Variants in UBE2V2 observed in about 807,000 individuals in gnomAD.
UBE2V2 encodes the protein ubiquitin conjugating enzyme E2 V2.
UBE2V2 carries 9 observed loss-of-function variants against 17.2 expected under a neutral mutation model. The ratio of observed to expected loss-of-function variants is 0.52; its 90% CI spans 0.32 to 0.91. The LOEUF (loss-of-function observed/expected upper bound fraction) is 0.91. Ranked by LOEUF, UBE2V2 falls within the 40% of genes least tolerant of loss-of-function variation. The pLI is 0.04. For missense variants in UBE2V2, 133 were observed against 182.6 expected (o/e 0.73, Z 1.56); for synonymous variants, 61 against 57.5 (o/e 1.06, Z -0.28).
At chr8:48,012,285 T>C (rs994716040) in intron 1 of UBE2V2, among the ~76,000 whole-genome samples, 5 of 152,320 alleles carry the variant, frequency 3.3e-5, no homozygotes, top group African/African-American at 7.2e-5. Context: ...GAGACAGAGT[T>C]ACCCATGCAA....
In UBE2V2 at chr8:48,055,345, G is replaced by A. The variant is rs1246855767; in HGVS notation, c.292-5337G>A. 2.0e-5 allele frequency among the ~76,000 whole-genome samples: 3 copies of A among 151,650 alleles called. No homozygotes were observed. The South Asian group carries it at 6.3e-4, about 32-fold the overall frequency. ...CTCCCTAGTAGCTGGGATTACAGGC[G>A]CCCGCCAACATGACCAGCTAATTTT... is the stretch of plus-strand genomic sequence containing the variant. On this transcript the variant is annotated intron_variant, in intron 3 of 3. Transcript: ENST00000523111.
At chr8:48,058,553 G>C (rs902698962) in intron 3 of UBE2V2, among the ~76,000 whole-genome samples, 3 of 149,988 alleles carry the variant, frequency 2.0e-5, no homozygotes, top group African/African-American at 7.4e-5. Flanking sequence ...CTCTAGCCTG[G>C]GCAACGAGTG....
chr8:48,040,590 G>A (rs1329046699), intron 1 of UBE2V2, among the ~76,000 whole-genome samples: 1 of 151,974 alleles, frequency 6.6e-6, no homozygotes, highest in Non-Finnish European at 1.5e-5. Flanking sequence ...TAGCTGATGA[G>A]GAAGTCTTAA....
chr8:48,042,729 A>G (rs1360889305), intron 1 of UBE2V2: 2 of 189,194 alleles, frequency 1.1e-5, no homozygotes, highest in Non-Finnish European at 2.2e-5. Context: ...TGGCTGTAAC[A>G]GAAACATCAA....
chr8:48,032,739 C>T (rs2091392509), intron 1 of UBE2V2, among the ~76,000 whole-genome samples: 1 of 152,120 alleles, frequency 6.6e-6, no homozygotes, highest in Non-Finnish European at 1.5e-5. Flanking sequence ...AACAAACACG[C>T]AGACACACAT....
intron 1 of UBE2V2, among the ~76,000 whole-genome samples, chr8:48,027,244 C>G (rs1366332614): frequency 6.6e-6 from 1 of 152,094 alleles, no homozygotes; most frequent in Non-Finnish European, 1.5e-5. Context: ...CAAGTGATCT[C>G]CCTGCCTTGA....
chr8:48,014,392 C>T (rs991161486), intron 1 of UBE2V2, among the ~76,000 whole-genome samples: 1 of 152,088 alleles, frequency 6.6e-6, no homozygotes, highest in Non-Finnish European at 1.5e-5. Flanking sequence ...CGCCTGTAAT[C>T]CCAGCACTTT....
chr8:48,005,014 T>C (rs1231985789), upstream of UBE2V2, among the ~76,000 whole-genome samples: 3 of 145,464 alleles, frequency 2.1e-5, no homozygotes, highest in Non-Finnish European at 4.4e-5. Flanking sequence ...TCTTAACTAC[T>C]TTTTCTCCTT....
At chr8:48,030,737 A>T (rs2091376575) in intron 1 of UBE2V2, among the ~76,000 whole-genome samples, 1 of 150,464 alleles carries the variant, frequency 6.6e-6, no homozygotes, top group Non-Finnish European at 1.5e-5. Context: ...CAAAACAAAA[A>T]CTGGCTAGGC....
At chr8:48,024,865 C>T (rs966507671) in intron 1 of UBE2V2, among the ~76,000 whole-genome samples, 18 of 151,452 alleles carry the variant, frequency 1.2e-4, no homozygotes, top group African/African-American at 4.4e-4. Flanking sequence ...TCAATATTCA[C>T]ATAAATCTTT....
rs146106871 is a variant in UBE2V2 at position 48,016,883 on chromosome 8, T to G, written c.16+8413T>G. Among the ~76,000 whole-genome samples the G allele has an allele frequency of 5.1e-3, 766 of 150,254 alleles. 31 individuals are homozygous for G. In the East Asian group the frequency reaches 0.068, roughly 13 times the overall value. On this transcript the variant is annotated intron_variant, in intron 1 of 3. Coordinates refer to ENST00000523111, the MANE Select transcript of UBE2V2 (RefSeq NM_003350.3). ...TTGACTGCAACCTCCACCTCCAGGT[T>G]CAAGCGATTCTCCTGTCTTAGCCTC...
At chr8:48,008,639 G>T (rs1440650976) in intron 1 of UBE2V2, 169 bp downstream of exon 1, 1 of 970,078 alleles carries the variant, frequency 1.0e-6, no homozygotes, top group Non-Finnish European at 1.3e-6. Context: ...CGGCGCCGAG[G>T]CCCCGGCGGC....
intron 1 of UBE2V2, among the ~76,000 whole-genome samples, chr8:48,036,608 T>C (rs2091426944): frequency 6.6e-6 from 1 of 151,520 alleles, no homozygotes; most frequent in Admixed American, 6.6e-5. Context: ...TAATTTTTTG[T>C]ATCTTTAGGC....
intron 1 of UBE2V2, chr8:48,042,135 A>T (rs1206169880): frequency 6.6e-6 from 1 of 152,168 alleles, no homozygotes; most frequent in East Asian, 1.9e-4. Context: ...TTTTCACAGG[A>T]TCACTTTTAA....
Position 48,062,885 on chromosome 8 carries a change from TTGAAA to T in UBE2V2, c.*2062_*2066del, listed in dbSNP as rs1802617462. 1 of 152,326 alleles carries T rather than the reference TTGAAA, an allele frequency of 6.6e-6. No homozygotes were observed. Among genetic ancestry groups the T allele is most frequent in the South Asian group, 2.1e-4 (1 of 4,828 alleles). The allele number at this position is 152,326 out of a possible 1,614,324, so 9.4% of individuals were successfully genotyped here. ...TTAGTGCATTTGTAATTTGTTAAATTTGAAATGAACTATTACCTTGAAATATAGTC... is the reference window on the plus strand; with the variant it reads ...TTAGTGCATTTGTAATTTGTTAAATTTGAACTATTACCTTGAAATATAGTC... On this transcript the variant is annotated 3_prime_UTR_variant, in exon 4 of 4. Transcript: ENST00000523111.
chr8:48,054,228 G>C (rs536103172), intron 3 of UBE2V2, among the ~76,000 whole-genome samples: 31 of 152,322 alleles, frequency 2.0e-4, no homozygotes, highest in African/African-American at 7.0e-4. Context: ...TTCGTGGCCT[G>C]CCCCTTTCCA....
At chr8:48,011,067 T>C (rs1427811068) in intron 1 of UBE2V2, among the ~76,000 whole-genome samples, 5 of 152,026 alleles carry the variant, frequency 3.3e-5, no homozygotes, top group Non-Finnish European at 7.4e-5. Context: ...AGCTATACTT[T>C]TGTTTGCTTT....
At chr8:48,014,158 A>G (rs1441941092) in intron 1 of UBE2V2, among the ~76,000 whole-genome samples, 3 of 152,166 alleles carry the variant, frequency 2.0e-5, no homozygotes, top group Non-Finnish European at 4.4e-5. Flanking sequence ...GGGAGCCTGA[A>G]TTCTCTTGAT....
chr8:48,008,476 T>A lies in UBE2V2; in HGVS notation c.16+6T>A. 1 of 1,566,548 alleles carries A rather than the reference T, an allele frequency of 6.4e-7. No individual in the cohort carries two copies. The highest frequency in any genetic ancestry group is 8.6e-7 in the Non-Finnish European group (1 of 1,158,230). On this transcript the variant is annotated splice_donor_region_variant and intron_variant, in intron 1 of 3. Transcript: ENST00000523111. ...GAAGATGGCGGTCTCCACAGGTCGG[T>A]TCCCGGGCCGGGCTGCGTGATTTTC...
Sources: allele counts gnomAD v4.1 joint callset (sites outside exome capture counted in the v4.1 genomes callset), GRCh38; gene constraint gnomAD v4.1.1; transcripts MANE v1.5; gene names NCBI Gene and HGNC (gene_info 2026-07-23, HGNC 2026-07-21).